RNLS: variants seen among roughly 807,000 people sequenced by gnomAD.
The protein encoded by RNLS is renalase, FAD dependent amine oxidase.
A neutral mutation model predicts 39.8 loss-of-function variants in RNLS; 39 were observed. The observed-to-expected ratio is 0.98, with a 90% CI of 0.76 to 1.28. RNLS has a LOEUF of 1.28. Ranked by LOEUF, RNLS falls within the 50% of genes most tolerant of loss-of-function variation. The pLI is 0.00. For missense variants in RNLS, 410 were observed against 413.3 expected (o/e 0.99, Z 0.07); for synonymous variants, 147 against 150.7 (o/e 0.98, Z 0.18).
intron 4 of RNLS, chr10:88,545,511 C>G: frequency 4.4e-6 from 2 of 454,994 alleles, no homozygotes; most frequent in South Asian, 3.1e-5. Flanking sequence ...ACCATCAGAT[C>G]TCACAAGACT....
At position 88,291,630 on chromosome 10, in the gene RNLS, T is replaced by C. The variant is rs146652631; in HGVS notation, c.877-6124A>G. On this transcript the variant is annotated intron_variant, in intron 6 of 6. Transcript: ENST00000331772. The stretch of plus-strand genomic sequence containing the variant: ...GAGTTGGCATTTGAGAGGAATTCTA[T>C]ATACCAACCCTGGATTAGAAGATTA... Among the ~76,000 whole-genome samples the C allele has an allele frequency of 3.7e-3, 567 of 152,316 alleles. 7 individuals carry two copies. Among genetic ancestry groups the C allele is most frequent in the Middle Eastern group, 3.4e-3 (1 of 294 alleles).
chr10:88,534,780 C>T (rs112150994), intron 4 of RNLS, among the ~76,000 whole-genome samples: 1 of 152,234 alleles, frequency 6.6e-6, no homozygotes, highest in African/African-American at 2.4e-5. Context: ...TGTGAGGAAA[C>T]ATCATCTGGA....
chr10:88,535,280 T>C (rs1169444232), intron 4 of RNLS, among the ~76,000 whole-genome samples: 2 of 151,796 alleles, frequency 1.3e-5, no homozygotes, highest in Admixed American at 6.6e-5. Context: ...TGTGTATAAG[T>C]GAGTATGTGT....
intron 4 of RNLS, among the ~76,000 whole-genome samples, chr10:88,544,905 G>A (rs1848223514): frequency 6.6e-6 from 1 of 152,132 alleles, no homozygotes; most frequent in African/African-American, 2.4e-5. Context: ...TTGAAAGATG[G>A]TATATACCAT....
chr10:88,338,808 C>CTGGAGTG (rs1847706058), intron 5 of RNLS, among the ~76,000 whole-genome samples: 1 of 136,990 alleles, frequency 7.3e-6, no homozygotes, highest in South Asian at 2.3e-4. Flanking sequence ...TGTTGCCAGG[C>CTGGAGTG]TGGAGTGCAG....
At chr10:88,188,050 T>A in the RNLS span, among the ~76,000 whole-genome samples, 3 of 152,054 alleles carry the variant, frequency 2.0e-5, no homozygotes, top group Non-Finnish European at 4.4e-5. Context: ...AAAATAAAAG[T>A]CCTCAGTTTC....
chr10:88,529,597 T>C (rs549725566), intron 4 of RNLS, among the ~76,000 whole-genome samples: 2 of 152,278 alleles, frequency 1.3e-5, no homozygotes, highest in East Asian at 1.9e-4. Context: ...GTAAGCAGTA[T>C]GCAAAAAGGA....
intron 4 of RNLS, among the ~76,000 whole-genome samples, chr10:88,409,291 A>G (rs1290181795): frequency 6.6e-6 from 1 of 150,992 alleles, no homozygotes; most frequent in Non-Finnish European, 1.5e-5. Flanking sequence ...AATTGAGAAA[A>G]GAACATGTGC....
chr10:88,223,585 A>G, the RNLS span, among the ~76,000 whole-genome samples: 1 of 152,244 alleles, frequency 6.6e-6, no homozygotes, highest in Non-Finnish European at 1.5e-5. Context: ...CTTGGGCATA[A>G]TGTGAAACCA....
chr10:88,569,374 T>C (rs1849700743), intron 4 of RNLS, among the ~76,000 whole-genome samples: 2 of 152,090 alleles, frequency 1.3e-5, no homozygotes, highest in Non-Finnish European at 1.5e-5. Flanking sequence ...CTCTCAAAGA[T>C]TTAATATTTC....
chr10:88,334,359 T>G (rs1201752417), intron 5 of RNLS, among the ~76,000 whole-genome samples: 1 of 152,232 alleles, frequency 6.6e-6, no homozygotes, highest in Non-Finnish European at 1.5e-5. Flanking sequence ...AAGATCTGAC[T>G]TTTTCTTGCC....
intron 4 of RNLS, among the ~76,000 whole-genome samples, chr10:88,407,669 G>T (rs1296864628): frequency 1.3e-5 from 2 of 152,096 alleles, no homozygotes; most frequent in Non-Finnish European, 2.9e-5. Context: ...TCTACCCCTT[G>T]TGGTACCTAC....
At chr10:88,279,079 T>TG (rs1183624080) in intron 6 of RNLS, among the ~76,000 whole-genome samples, 1 of 152,108 alleles carries the variant, frequency 6.6e-6, no homozygotes, top group East Asian at 1.9e-4. Flanking sequence ...CTAGATCGGC[T>TG]GGGGGAGAAC....
chr10:88,203,357 CGTATGTGTGTGTATATATATATAT>C, the RNLS span, among the ~76,000 whole-genome samples: 1 of 862 alleles, frequency 1.2e-3, no homozygotes, highest in African/African-American at 0.01. Context: ...TATATATATA[CGTATGTGTGTGTATATATATATAT>C]ATATACACGT....
intron 6 of RNLS, chr10:88,309,511 A>G: frequency 8.1e-7 from 1 of 1,229,014 alleles, no homozygotes; most frequent in South Asian, 1.3e-5. Flanking sequence ...GCCATTGCAC[A>G]TTTCCCCTTT....
intron 4 of RNLS, among the ~76,000 whole-genome samples, chr10:88,448,324 C>A (rs1176919171): frequency 6.6e-6 from 1 of 152,158 alleles, no homozygotes; most frequent in Non-Finnish European, 1.5e-5. Context: ...ACAACCCCAT[C>A]AAAAAGTGGG....
the RNLS span, among the ~76,000 whole-genome samples, chr10:88,254,040 G>A: frequency 6.6e-6 from 1 of 152,184 alleles, no homozygotes; most frequent in Non-Finnish European, 1.5e-5. Context: ...GTTTAGTTAT[G>A]ATCATAATAT....
intron 1 of RNLS, 67 bp from the exon 2 acceptor site, chr10:88,582,374 C>G: frequency 8.2e-7 from 1 of 1,212,364 alleles, no homozygotes; most frequent in Non-Finnish European, 1.2e-6. Context: ...ATTCAATGCA[C>G]CTTAGGTTAC....
chr10:88,457,082 TA>T (rs1343361823), intron 4 of RNLS, among the ~76,000 whole-genome samples: 1 of 152,208 alleles, frequency 6.6e-6, no homozygotes, highest in African/African-American at 2.4e-5. Context: ...CAGCTCTAGC[TA>T]AAATCCCTGA....
Sources: allele counts gnomAD v4.1 joint callset (sites outside exome capture counted in the v4.1 genomes callset), GRCh38; gene constraint gnomAD v4.1.1; transcripts MANE v1.5; gene names NCBI Gene and HGNC (gene_info 2026-07-23, HGNC 2026-07-21).